The following TENM4 variants were observed in gnomAD, a reference collection of about 807,000 sequenced individuals.
TENM4 encodes the protein teneurin-4.
TENM4 carries 82 observed loss-of-function variants against 243.3 expected under a neutral mutation model. The ratio of observed to expected loss-of-function variants is 0.34; its 90% CI spans 0.28 to 0.40. TENM4 has a LOEUF of 0.40. Ranked by LOEUF, TENM4 falls within the 10% of genes least tolerant of loss-of-function variation. The probability of loss-of-function intolerance (pLI) is 1.00; values close to 1 mark genes in which losing one functional copy is unlikely to be tolerated. For synonymous variants in TENM4, 1,412 were observed against 1,456.3 expected (o/e 0.97, Z 0.69); for missense variants, 3,138 against 3,673.3 (o/e 0.85, Z 3.77).
At chr11:79,233,484 G>A (rs1187387498) in intron 2 of TENM4, among the ~76,000 whole-genome samples, 1 of 152,178 alleles carries the variant, frequency 6.6e-6, no homozygotes, top group Non-Finnish European at 1.5e-5. Context: ...AGTGAGGATG[G>A]TAGATGAACT....
intron 5 of TENM4, among the ~76,000 whole-genome samples, chr11:79,066,880 T>A (rs1285193623): frequency 1.3e-5 from 2 of 152,206 alleles, no homozygotes; most frequent in Admixed American, 6.5e-5. Context: ...TATGCTAGGC[T>A]GTGGTGGTGG....
In TENM4 at chr11:78,786,929, G is replaced by T. The variant is rs752883920; in HGVS notation, c.2334C>A (p.Ser778Arg). The T allele has an allele frequency of 1.2e-6, 2 of 1,609,020 alleles. No individual in the cohort carries two copies. The highest frequency in any genetic ancestry group is 4.5e-5 in the East Asian group (2 of 44,722). The change falls in exon 16 of 34, where the codon AGC (serine) becomes AGA (arginine). Residue 778 changes from serine to arginine, a missense_variant. By Grantham distance (110) the Ser-to-Arg change is moderately radical. This residue lies in a region of TENM4 where 2,467 missense variants were observed against 3,059.1 expected (regional missense o/e 0.81). Transcript: ENST00000278550. ...GTCRDGKCEC[S>R]PGWNGEHCTI... ...TGCAGTGTTCGCCATTCCAGCCAGG[G>T]CTGCACTCGCACTTGCCGTCGCGGC...
Position 78,670,345 on chromosome 11 carries a change from G to A in TENM4, c.6000C>T (p.His2000=). 6.2e-7 allele frequency: 1 copy of A among 1,613,946 alleles called. No individual in the cohort carries two copies. The highest frequency in any genetic ancestry group is 8.5e-7 in the Non-Finnish European group (1 of 1,179,850). Residue 2000 remains histidine (H), a synonymous_variant, in exon 32 of 34, where the codon CAC becomes CAT. Transcript: ENST00000278550. ...TGCGGCCAGTGCCCAGGTAGAAGGTGTGAAGGAGGTGCCCATCCTCAGTGA... is the reference window on the plus strand; with the variant it reads ...TGCGGCCAGTGCCCAGGTAGAAGGTATGAAGGAGGTGCCCATCCTCAGTGA... ...QDFTEDGHLL[H]TFYLGTGRRV...
intron 6 of TENM4, among the ~76,000 whole-genome samples, chr11:78,966,247 C>T (rs1857435788): frequency 6.7e-6 from 1 of 150,002 alleles, no homozygotes; most frequent in African/African-American, 2.5e-5. Context: ...CTGGGTTGCT[C>T]TGAGGATGAA....
In TENM4 at chr11:78,672,256, C is replaced by T. The variant is rs375398771; in HGVS notation, c.5570G>A (p.Arg1857His). The T allele has an allele frequency of 1.9e-6, 3 of 1,613,912 alleles. No homozygotes were observed. Among genetic ancestry groups the T allele is most frequent in the Non-Finnish European group, 1.7e-6 (2 of 1,179,910 alleles). The change falls in exon 31 of 34, where the codon CGC becomes CAC. Residue 1857 changes from arginine (R) to histidine (H), a missense_variant. Transcript: ENST00000278550. ...TRTEKIYDDH[R>H]KFTLRILYDQ... The stretch of plus-strand genomic sequence containing the variant: ...GTACAGAATCCGAAGGGTGAACTTG[C>T]GGTGGTCATCATAGATCTTCTCTGT...
intron 9 of TENM4, among the ~76,000 whole-genome samples, chr11:78,875,488 G>T (rs1489023611): frequency 6.6e-6 from 1 of 152,194 alleles, no homozygotes; most frequent in East Asian, 1.9e-4. Flanking sequence ...ACAGGTGTAA[G>T]CCACTGTGCC....
At chr11:79,372,675 C>T (rs1367802081) in intron 1 of TENM4, among the ~76,000 whole-genome samples, 1 of 152,156 alleles carries the variant, frequency 6.6e-6, no homozygotes, top group East Asian at 1.9e-4. Context: ...CATCACTTTC[C>T]TCTTCTGTGA....
At chr11:79,243,128 G>A (rs187672792) in intron 2 of TENM4, among the ~76,000 whole-genome samples, 2 of 152,094 alleles carry the variant, frequency 1.3e-5, no homozygotes, top group East Asian at 1.9e-4. Flanking sequence ...GACTTTCATC[G>A]GGGCACTGAG....
chr11:78,834,203 C>T (rs913001142), intron 12 of TENM4, among the ~76,000 whole-genome samples: 10 of 152,176 alleles, frequency 6.6e-5, no homozygotes, highest in Admixed American at 4.6e-4. Flanking sequence ...TTTCTAATGT[C>T]CAAGAGTGCT....
chr11:79,132,935 G>C (rs775012000), intron 4 of TENM4, among the ~76,000 whole-genome samples: 16 of 151,926 alleles, frequency 1.1e-4, no homozygotes, highest in Non-Finnish European at 1.9e-4. Context: ...CATACCTCAA[G>C]GAACTAGAGA....
chr11:78,952,218 A>C (rs948519955), intron 6 of TENM4, among the ~76,000 whole-genome samples: 1 of 152,224 alleles, frequency 6.6e-6, no homozygotes, highest in Non-Finnish European at 1.5e-5. Flanking sequence ...TCGAAATCAG[A>C]AAGACCTTCC....
At chr11:79,074,743 G>A (rs1860495439) in intron 4 of TENM4, among the ~76,000 whole-genome samples, 1 of 152,188 alleles carries the variant, frequency 6.6e-6, no homozygotes, top group Non-Finnish European at 1.5e-5. Context: ...GTCACATTAG[G>A]TGAGAGGCCA....
intron 1 of TENM4, among the ~76,000 whole-genome samples, chr11:79,326,751 G>A (rs371493161): frequency 1.2e-4 from 18 of 152,046 alleles, no homozygotes; most frequent in Non-Finnish European, 1.9e-4. Flanking sequence ...TCTTTGTCCC[G>A]TTCCCTAGAG....
chr11:79,337,701 A>AT (rs1857170153), intron 1 of TENM4, among the ~76,000 whole-genome samples: 4 of 152,226 alleles, frequency 2.6e-5, no homozygotes, highest in South Asian at 4.2e-4. Context: ...AGCAACTTCC[A>AT]TTTTTTTGTT....
chr11:79,004,897 C>G (rs1352491675), intron 6 of TENM4, among the ~76,000 whole-genome samples: 1 of 114,242 alleles, frequency 8.8e-6, no homozygotes, highest in Non-Finnish European at 1.8e-5. Flanking sequence ...TAAACACAAT[C>G]AGAAATGACA....
intron 6 of TENM4, among the ~76,000 whole-genome samples, chr11:78,993,941 A>G (rs1295332636): frequency 2.0e-5 from 3 of 152,206 alleles, no homozygotes; most frequent in Non-Finnish European, 4.4e-5. Context: ...TATGGATATT[A>G]AGATGTTTGG....
intron 6 of TENM4, among the ~76,000 whole-genome samples, chr11:79,001,686 C>T (rs142965045): frequency 6.6e-6 from 1 of 152,268 alleles, no homozygotes; most frequent in African/African-American, 2.4e-5. Flanking sequence ...CTGGACAGAG[C>T]AGGGTGGTCT....
At chr11:78,854,049 C>T (rs929165377) in intron 12 of TENM4, 55 bp downstream of exon 12, 36 of 1,493,752 alleles carry the variant, frequency 2.4e-5, no homozygotes, top group Non-Finnish European at 3.2e-5. Flanking sequence ...CTCCATGCAG[C>T]CTCCGACCAA....
At chr11:78,962,581 G>A (rs1465678085) in intron 6 of TENM4, among the ~76,000 whole-genome samples, 1 of 152,144 alleles carries the variant, frequency 6.6e-6, no homozygotes, top group African/African-American at 2.4e-5. Flanking sequence ...GGCTGGCAAA[G>A]AGGGAATCTC....
Sources: allele counts gnomAD v4.1 joint callset (sites outside exome capture counted in the v4.1 genomes callset), GRCh38; gene constraint gnomAD v4.1.1; regional missense constraint gnomAD v4.1.1; transcripts MANE v1.5; gene names NCBI Gene and HGNC (gene_info 2026-07-23, HGNC 2026-07-21).